The following PHACTR3 variants were observed in gnomAD, a reference collection of about 807,000 sequenced individuals.
PHACTR3 encodes phosphatase and actin regulator 3.
PHACTR3 carries 16 observed loss-of-function variants against 66.8 expected under a neutral mutation model. That is an observed-to-expected ratio of 0.24 (90% CI 0.16 to 0.36). The LOEUF is 0.36. PHACTR3 is among the 10% of genes least tolerant of loss of function. The probability of loss-of-function intolerance (pLI) is 1.00; values close to 1 mark genes in which losing one functional copy is unlikely to be tolerated. For missense variants in PHACTR3, 647 were observed against 719.9 expected (o/e 0.90, Z 1.16); for synonymous variants, 323 against 292.1 (o/e 1.11, Z -1.08).
rs4812128 is a variant in PHACTR3 at position 59,753,367 on chromosome 20, G to T, written c.359-1815G>T. ...CATTCTCCCCGGAGGAGACGTGTGC[G>T]GCAGAGGGAATATGATCAGCAGCGA... is the stretch of plus-strand genomic sequence containing the variant. On this transcript the variant is annotated intron_variant, in intron 3 of 12. Coordinates refer to ENST00000371015, the MANE Select transcript of PHACTR3 (RefSeq NM_080672.5). Among the ~76,000 whole-genome samples, 3 of 152,184 alleles carry T rather than the reference G, an allele frequency of 2.0e-5. No individual in the cohort carries two copies. In the South Asian group the frequency reaches 6.2e-4, roughly 32 times the overall value.
At chr20:59,594,609 T>C (rs890183191) in intron 1 of PHACTR3, among the ~76,000 whole-genome samples, 1 of 152,220 alleles carries the variant, frequency 6.6e-6, no homozygotes, top group African/African-American at 2.4e-5. Flanking sequence ...ATCCTTTTAA[T>C]GTTCATGGGA....
chr20:59,835,839 GTTAGCTGCGCTGGCTGGAAGAGA>G (rs1377015541), intron 8 of PHACTR3: 1 of 152,282 alleles, frequency 6.6e-6, no homozygotes, highest in Admixed American at 6.5e-5. Context: ...GCTCAGCTCT[GTTAGCTGCGCTGGCTGGAAGAGA>G]TTCCCAGTTT....
chr20:59,688,009 C>G (rs1450652347), intron 1 of PHACTR3, among the ~76,000 whole-genome samples: 1 of 152,142 alleles, frequency 6.6e-6, no homozygotes, highest in Non-Finnish European at 1.5e-5. Context: ...TTCTAACAAG[C>G]AGAGAGCAGC....
chr20:59,826,986 C>T (rs1014767053), intron 8 of PHACTR3, among the ~76,000 whole-genome samples: 1 of 152,186 alleles, frequency 6.6e-6, no homozygotes, highest in African/African-American at 2.4e-5. Context: ...CCCTGCTCCC[C>T]TCCCTTCTCT....
intron 5 of PHACTR3, among the ~76,000 whole-genome samples, chr20:59,770,572 A>G (rs2040326637): frequency 6.6e-6 from 1 of 152,218 alleles, no homozygotes; most frequent in African/African-American, 2.4e-5. Flanking sequence ...TGGAAGTCCA[A>G]GATCAGGGTG....
chr20:59,670,186 C>G (rs565523254), intron 1 of PHACTR3, among the ~76,000 whole-genome samples: 84 of 152,314 alleles, frequency 5.5e-4, no homozygotes, highest in Non-Finnish European at 9.8e-4. Context: ...TTAATACACA[C>G]CATGATGTCG....
chr20:59,788,271 C>A (rs1271162009), intron 7 of PHACTR3, among the ~76,000 whole-genome samples: 1 of 152,212 alleles, frequency 6.6e-6, no homozygotes, highest in East Asian at 1.9e-4. Context: ...CGTCATCGTA[C>A]AGATGCGTTT....
intron 1 of PHACTR3, among the ~76,000 whole-genome samples, chr20:59,684,814 G>A (rs1035997403): frequency 6.6e-6 from 1 of 152,222 alleles, no homozygotes; most frequent in Non-Finnish European, 1.5e-5. Context: ...CCGATGAAGG[G>A]TTGTGAGGAT....
intron 1 of PHACTR3, among the ~76,000 whole-genome samples, chr20:59,581,725 C>CA (rs34250830): frequency 0.35 from 52,508 of 151,768 alleles, 9,492 homozygotes; most frequent in African/African-American, 0.43. Context: ...ACTAAAAATG[C>CA]AAAAAATTAG....
At chr20:59,687,477 T>G (rs560419385) in intron 1 of PHACTR3, among the ~76,000 whole-genome samples, 7 of 152,252 alleles carry the variant, frequency 4.6e-5, no homozygotes, top group African/African-American at 1.7e-4. Context: ...TATTCCAGTA[T>G]CAGTTGAATG....
rs145756426 is a variant in PHACTR3 at position 59,658,547 on chromosome 20, T to C, written c.118+53415T>C. 8.9e-3 allele frequency among the ~76,000 whole-genome samples: 1,363 copies of C among 152,304 alleles called. 27 individuals carry two copies. Among genetic ancestry groups the C allele is most frequent in the African/African-American group, 0.031 (1,282 of 41,542 alleles). On this transcript the variant is annotated intron_variant, in intron 1 of 12. Coordinates refer to ENST00000371015, the MANE Select transcript of PHACTR3 (RefSeq NM_080672.5). ...ACAGTGTGGAGCCTTTGGTGTTACTTTTCTGACGCTGCAGCCTTGGGAGTG... is the reference window on the plus strand; with the variant it reads ...ACAGTGTGGAGCCTTTGGTGTTACTCTTCTGACGCTGCAGCCTTGGGAGTG...
At chr20:59,753,545 T>A (rs1427911804) in intron 3 of PHACTR3, among the ~76,000 whole-genome samples, 1 of 152,158 alleles carries the variant, frequency 6.6e-6, no homozygotes, top group East Asian at 1.9e-4. Flanking sequence ...GCCAGATCAC[T>A]CTTGTCACCC....
chr20:59,625,409 A>C (rs1379712347), intron 1 of PHACTR3, among the ~76,000 whole-genome samples: 4 of 151,918 alleles, frequency 2.6e-5, no homozygotes, highest in Non-Finnish European at 4.4e-5. Context: ...TTCTCATCCC[A>C]TCTGATGCAC....
intron 1 of PHACTR3, among the ~76,000 whole-genome samples, chr20:59,609,189 C>T (rs1340765727): frequency 1.3e-5 from 2 of 152,174 alleles, no homozygotes; most frequent in East Asian, 3.9e-4. Context: ...GAGGGAGACC[C>T]TCTCAGAGCA....
chr20:59,635,236 C>CTTT (rs1273109625), intron 1 of PHACTR3, among the ~76,000 whole-genome samples: 1 of 97,966 alleles, frequency 1.0e-5, no homozygotes, highest in African/African-American at 3.9e-5. Context: ...TTCTTTCTTT[C>CTTT]TTTTTTTTTT....
chr20:59,663,549 GT>G (rs2035887169), intron 1 of PHACTR3, among the ~76,000 whole-genome samples: 1 of 152,214 alleles, frequency 6.6e-6, no homozygotes. Context: ...AGTGAAAGCC[GT>G]TCTTGTGAAG....
At chr20:59,595,970 AT>A in intron 1 of PHACTR3, among the ~76,000 whole-genome samples, 1 of 152,254 alleles carries the variant, frequency 6.6e-6, no homozygotes, top group East Asian at 1.9e-4. Flanking sequence ...ATCTTGATGA[AT>A]TTTCACCAAG....
chr20:59,681,287 T>A (rs748539435), intron 1 of PHACTR3, among the ~76,000 whole-genome samples: 5 of 152,362 alleles, frequency 3.3e-5, no homozygotes, highest in Admixed American at 2.6e-4. Context: ...CACATGTGCA[T>A]ACATACTCAT....
At chr20:59,797,885 TTA>T (rs1416178442) in intron 7 of PHACTR3, among the ~76,000 whole-genome samples, 1 of 152,170 alleles carries the variant, frequency 6.6e-6, no homozygotes, top group East Asian at 1.9e-4. Context: ...GCTTTTTTTT[TTA>T]GAGTTTTACA....
Sources: gnomAD v4.1 joint callset for allele counts (sites outside exome capture counted in the v4.1 genomes callset) on GRCh38, gnomAD v4.1.1 for gene constraint, MANE v1.5 for transcripts, NCBI Gene and HGNC (gene_info 2026-07-23, HGNC 2026-07-21) for gene names.